Variants in PRKCH observed in about 807,000 individuals in gnomAD.
The protein encoded by PRKCH is protein kinase C eta.
PRKCH carries 28 observed loss-of-function variants against 82.5 expected under a neutral mutation model. That is an observed-to-expected ratio of 0.34 (90% CI 0.25 to 0.47). The LOEUF is 0.47. PRKCH is among the 20% of genes least tolerant of loss of function. The probability of loss-of-function intolerance (pLI) is 1.00; values close to 1 mark genes in which losing one functional copy is unlikely to be tolerated. For missense variants in PRKCH, 705 were observed against 881.8 expected (o/e 0.80, Z 2.54); for synonymous variants, 322 against 327.4 (o/e 0.98, Z 0.18).
intron 1 of PRKCH, among the ~76,000 whole-genome samples, chr14:61,239,585 T>G (rs2044818710): frequency 6.6e-6 from 1 of 152,246 alleles, no homozygotes; most frequent in Non-Finnish European, 1.5e-5. Flanking sequence ...TAATGTGCTC[T>G]TGCGCCTTGG....
intron 10 of PRKCH, among the ~76,000 whole-genome samples, chr14:61,493,732 G>A (rs1886551264): frequency 6.6e-6 from 1 of 151,950 alleles, no homozygotes; most frequent in Non-Finnish European, 1.5e-5. Flanking sequence ...GGGGGGCATG[G>A]CATGTGTGGA....
intron 1 of PRKCH, among the ~76,000 whole-genome samples, chr14:61,389,500 A>G (rs2046640770): frequency 6.6e-6 from 1 of 152,126 alleles, no homozygotes; most frequent in South Asian, 2.1e-4. Context: ...AGACTGGGCA[A>G]CATAGTGAGA....
intron 1 of PRKCH, among the ~76,000 whole-genome samples, chr14:61,267,091 C>T (rs2045109932): frequency 6.6e-6 from 1 of 152,178 alleles, no homozygotes; most frequent in Non-Finnish European, 1.5e-5. Context: ...GGCTATAGAA[C>T]TGGCTCAGTC....
intron 2 of PRKCH, among the ~76,000 whole-genome samples, chr14:61,419,336 A>G (rs967900177): frequency 6.6e-6 from 1 of 152,170 alleles, no homozygotes; most frequent in Non-Finnish European, 1.5e-5. Flanking sequence ...GAAATCTCCT[A>G]CAGAATCCAA....
chr14:61,221,050 T>G (rs75292907), intron 1 of PRKCH, among the ~76,000 whole-genome samples: 7,650 of 152,258 alleles, frequency 0.05, 360 homozygotes, highest in African/African-American at 0.12. Flanking sequence ...CAGGTCATTT[T>G]TTAAAAAAAT....
chr14:61,529,114 T>C lies in PRKCH; in HGVS notation c.1473T>C (p.Gly491=). The C allele has an allele frequency of 6.2e-7, 1 of 1,613,788 alleles. No individual in the cohort carries two copies. The stretch of plus-strand genomic sequence containing the variant: ...ACAATGTCCTGTTGGACCACGAGGG[T>C]CACTGTAAACTGGCAGACTTCGGAA... ...KLDNVLLDHE[G]HCKLADFGMC... The change falls in exon 11 of 14, where the codon GGT becomes GGC. Residue 491 remains glycine, a synonymous_variant. Transcript: ENST00000332981.
chr14:61,395,312 C>T (rs1215918565), intron 2 of PRKCH, among the ~76,000 whole-genome samples: 1 of 127,084 alleles, frequency 7.9e-6, no homozygotes, highest in East Asian at 3.1e-4. Flanking sequence ...ATTTGCCTGC[C>T]ACAGCTGTGG....
intron 10 of PRKCH, among the ~76,000 whole-genome samples, chr14:61,509,252 C>T (rs1397667292): frequency 6.6e-6 from 1 of 152,088 alleles, no homozygotes; most frequent in Non-Finnish European, 1.5e-5. Flanking sequence ...TGGAGAATGC[C>T]CTTCACCCTA....
chr14:61,539,244 G>A (rs2043150919), intron 12 of PRKCH, among the ~76,000 whole-genome samples: 1 of 152,110 alleles, frequency 6.6e-6, no homozygotes, highest in Non-Finnish European at 1.5e-5. Flanking sequence ...AAGCAATAAT[G>A]ATTATAAAAC....
At chr14:61,273,758 A>G (rs1362753946) in intron 1 of PRKCH, among the ~76,000 whole-genome samples, 1 of 152,244 alleles carries the variant, frequency 6.6e-6, no homozygotes, top group East Asian at 1.9e-4. Flanking sequence ...TTAGAGTGCC[A>G]TCTCTGCATC....
At chr14:61,456,927 C>T (rs113204587) in intron 7 of PRKCH, 4,338 of 387,004 alleles carry the variant, frequency 0.011, 43 homozygotes, top group Non-Finnish European at 0.014. Context: ...TCCACTTGAG[C>T]GCTAACTGTA....
intron 2 of PRKCH, among the ~76,000 whole-genome samples, chr14:61,434,998 A>G (rs1012563722): frequency 2.6e-5 from 4 of 152,176 alleles, no homozygotes; most frequent in Admixed American, 6.5e-5. Context: ...CCACAACAGA[A>G]AGCTGGAAAT....
At chr14:61,441,995 G>A (rs550390654) in intron 2 of PRKCH, among the ~76,000 whole-genome samples, 1 of 151,758 alleles carries the variant, frequency 6.6e-6, no homozygotes, top group Admixed American at 6.6e-5. Flanking sequence ...ATATTTTTCT[G>A]TGTTTTCTTA....
intron 1 of PRKCH, among the ~76,000 whole-genome samples, chr14:61,199,032 G>A (rs2044460623): frequency 6.6e-6 from 1 of 152,060 alleles, no homozygotes; most frequent in Non-Finnish European, 1.5e-5. Context: ...CACAATGGGG[G>A]AAAAGCAATT....
At chr14:61,388,147 CAAAAAAAAAAAAAAA>C (rs569642184) in intron 1 of PRKCH, among the ~76,000 whole-genome samples, 2 of 87,922 alleles carry the variant, frequency 2.3e-5, no homozygotes, top group African/African-American at 7.6e-5. Context: ...GACTCTGTCT[CAAAAAAAAAAAAAAA>C]AAAAAAGAAA....
At chr14:61,429,077 T>C (rs1883267579) in intron 2 of PRKCH, among the ~76,000 whole-genome samples, 1 of 152,176 alleles carries the variant, frequency 6.6e-6, no homozygotes, top group Non-Finnish European at 1.5e-5. Context: ...GGGAATTACC[T>C]CTGAATTGTT....
At chr14:61,240,786 T>C (rs1433199848) in intron 1 of PRKCH, among the ~76,000 whole-genome samples, 1 of 152,166 alleles carries the variant, frequency 6.6e-6, no homozygotes, top group African/African-American at 2.4e-5. Flanking sequence ...CACATGTTCC[T>C]GTGAGTCAGA....
At chr14:61,451,123 T>C (rs1018704152) in intron 6 of PRKCH, 152 bp downstream of exon 6, 47 of 1,068,030 alleles carry the variant, frequency 4.4e-5, no homozygotes, top group Admixed American at 2.7e-4. Flanking sequence ...TACATGTTTC[T>C]TGTCAGGCAT....
rs2045637953 is a variant in PRKCH, at chr14:61,322,384, G to A, written c.283G>A (p.Asp95Asn). 6.2e-7 allele frequency: 1 copy of A among 1,612,820 alleles called. No homozygotes were observed. Among genetic ancestry groups the A allele is most frequent in the Non-Finnish European group, 8.5e-7 (1 of 1,179,610 alleles). Reference protein sequence around the residue: ...AVFHETPLGYDHFVANCTLQF... With the variant: ...AVFHETPLGYNHFVANCTLQF... Reference sequence around the variant, plus strand: ...CTTCCACGAGACGCCCCTGGGCTACGACCACTTCGTGGCCAACTGCACCCT... The same window carrying A: ...CTTCCACGAGACGCCCCTGGGCTACAACCACTTCGTGGCCAACTGCACCCT... The change falls in exon 1 of 14, where the codon GAC (aspartate) becomes AAC (asparagine). Residue 95 changes from aspartate to asparagine, a missense_variant. Asp to Asn is a conservative substitution (Grantham distance 23). Around this residue, in one of 5 missense-constraint regions of PRKCH, gnomAD observed 246 missense variants for 308.0 expected, o/e 0.80. Transcript: ENST00000332981.
Sources: gnomAD v4.1 joint callset for allele counts (sites outside exome capture counted in the v4.1 genomes callset) on GRCh38, gnomAD v4.1.1 for gene constraint, gnomAD v4.1.1 regional missense constraint, MANE v1.5 for transcripts, NCBI Gene and HGNC (gene_info 2026-07-23, HGNC 2026-07-21) for gene names.